The following GATAD2A variants were observed in gnomAD, a reference collection of about 807,000 sequenced individuals.
GATAD2A encodes GATA zinc finger domain containing 2A, also known as transcriptional repressor p66-alpha.
In GATAD2A, 12 loss-of-function variants were observed where a neutral mutation model predicts 68.5. The observed-to-expected ratio is 0.18, with a 90% CI of 0.11 to 0.28. GATAD2A has a LOEUF of 0.28. Among genes scored for constraint, GATAD2A ranks in the 10% least tolerant of loss-of-function variants. The pLI is 1.00. For synonymous variants in GATAD2A, 410 were observed against 375.3 expected (o/e 1.09, Z -1.07); for missense variants, 755 against 868.5 (o/e 0.87, Z 1.64).
At chr19:19,465,091 G>C in intron 1 of GATAD2A, 1 of 574,564 alleles carries the variant, frequency 1.7e-6, no homozygotes, top group Non-Finnish European at 3.1e-6. Context: ...ACAGGGCAGG[G>C]TGTAGTTTGG....
intron 1 of GATAD2A, among the ~76,000 whole-genome samples, chr19:19,399,376 G>A (rs930024295): frequency 1.5e-4 from 23 of 152,002 alleles, no homozygotes; most frequent in Middle Eastern, 6.8e-3. Context: ...TTTTTTGTAG[G>A]GACGGGGTTT....
intron 1 of GATAD2A, among the ~76,000 whole-genome samples, chr19:19,387,029 A>G (rs781752919): frequency 6.6e-6 from 1 of 151,726 alleles, no homozygotes; most frequent in Non-Finnish European, 1.5e-5. Flanking sequence ...GGGAATCCCC[A>G]TCTCTCTGAG....
At chr19:19,495,296 C>CT (rs991177940) in intron 5 of GATAD2A, among the ~76,000 whole-genome samples, 3 of 148,760 alleles carry the variant, frequency 2.0e-5, no homozygotes, top group Non-Finnish European at 3.0e-5. Flanking sequence ...ACCCAGCCAG[C>CT]TTTTTTTTCT....
At chr19:19,482,831 G>A (rs2059150199) in intron 2 of GATAD2A, among the ~76,000 whole-genome samples, 1 of 152,188 alleles carries the variant, frequency 6.6e-6, no homozygotes, top group African/African-American at 2.4e-5. Context: ...TGGATTTGAT[G>A]TGGCCTCCCC....
At chr19:19,413,240 G>C (rs1450070234) in intron 1 of GATAD2A, among the ~76,000 whole-genome samples, 6 of 152,104 alleles carry the variant, frequency 3.9e-5, no homozygotes, top group Non-Finnish European at 7.3e-5. Flanking sequence ...GAAAACTGCT[G>C]CTACCACCTT....
At chr19:19,499,718 G>A (rs959345064) in intron 8 of GATAD2A, among the ~76,000 whole-genome samples, 1 of 151,944 alleles carries the variant, frequency 6.6e-6, no homozygotes, top group Non-Finnish European at 1.5e-5. Context: ...CGTGGGGCTG[G>A]GCCTGGCGCA....
At position 19,505,742 on chromosome 19, in the gene GATAD2A, A is replaced by C. The variant is rs951391625; in HGVS notation, c.*268A>C. 2.2e-6 allele frequency: 1 copy of C among 464,532 alleles called. No homozygotes were observed. Among genetic ancestry groups the C allele is most frequent in the African/African-American group, 2.0e-5 (1 of 48,866 alleles). The allele number at this position is 464,532 out of a possible 1,614,324, so 28.8% of individuals were successfully genotyped here. ...TTTCTTCCTTTCTCTCTTTGCCTTT[A>C]GTTTGCCCGACACCAGCAGAAAAGT... On this transcript the variant is annotated 3_prime_UTR_variant, in exon 12 of 12. Coordinates refer to ENST00000683918, the MANE Select transcript of GATAD2A (RefSeq NM_001384528.1).
At chr19:19,490,254 C>T (rs1010812245) in intron 2 of GATAD2A, among the ~76,000 whole-genome samples, 2 of 152,090 alleles carry the variant, frequency 1.3e-5, no homozygotes, top group Non-Finnish European at 2.9e-5. Context: ...TTAGGAGGGA[C>T]CAGAGGAGAG....
chr19:19,463,560 G>A (rs2057634219), intron 1 of GATAD2A, among the ~76,000 whole-genome samples: 1 of 152,200 alleles, frequency 6.6e-6, no homozygotes, highest in Non-Finnish European at 1.5e-5. Flanking sequence ...CGCACAGTTG[G>A]TGTGGGATAG....
At chr19:19,402,432 T>TA (rs2049838452), upstream of GATAD2A, 1 of 147,628 alleles carries the variant, frequency 6.8e-6, no homozygotes, top group African/African-American at 2.5e-5. Context: ...CTCACGCCTG[T>TA]AATCCCAGCA....
At position 19,506,135 on chromosome 19, in the gene GATAD2A, GTGAC is replaced by G. The variant is rs2060856846; in HGVS notation, c.*670_*673del. On this transcript the variant is annotated 3_prime_UTR_variant, in exon 12 of 12. Coordinates refer to ENST00000683918, the MANE Select transcript of GATAD2A (RefSeq NM_001384528.1). The stretch of plus-strand genomic sequence containing the variant: ...TGGCAGGGACGGCCGGCCCGCCCCC[GTGAC>G]TGACTGACAGATGCAGGGATGGCCG... The G allele has an allele frequency of 1.3e-5, 5 of 398,858 alleles. No homozygotes were observed. Among genetic ancestry groups the G allele is most frequent in the Non-Finnish European group, 1.3e-5 (3 of 226,066 alleles). 24.7% of individuals were successfully genotyped at this position (398,858 alleles called of 1,614,324 possible). A position where few individuals can be genotyped will look rare whatever the true frequency, so the allele number is the denominator to read the frequency against.
At chr19:19,452,063 CTG>C (rs931934238) in intron 1 of GATAD2A, among the ~76,000 whole-genome samples, 5 of 152,202 alleles carry the variant, frequency 3.3e-5, no homozygotes, top group Admixed American at 6.5e-5. Flanking sequence ...GGGATGAAAA[CTG>C]TGCATGCGTA....
chr19:19,448,381 G>A (rs929616500), intron 1 of GATAD2A, among the ~76,000 whole-genome samples: 1 of 152,248 alleles, frequency 6.6e-6, no homozygotes, highest in Non-Finnish European at 1.5e-5. Flanking sequence ...CTTCAAGCAC[G>A]GCCTCAAATG....
intron 1 of GATAD2A, among the ~76,000 whole-genome samples, chr19:19,447,725 A>G (rs1332949085): frequency 1.3e-5 from 2 of 152,198 alleles, no homozygotes; most frequent in Non-Finnish European, 1.5e-5. Context: ...ATGCTGCAGG[A>G]TGCTTGTAGG....
intron 8 of GATAD2A, among the ~76,000 whole-genome samples, chr19:19,499,088 A>C (rs2060345317): frequency 6.6e-6 from 1 of 152,234 alleles, no homozygotes; most frequent in Admixed American, 6.5e-5. Context: ...AGAACCTTCC[A>C]GAGCCTCAAG....
intron 1 of GATAD2A, among the ~76,000 whole-genome samples, chr19:19,392,209 T>C (rs1599960281): frequency 1.3e-5 from 2 of 149,324 alleles, no homozygotes; most frequent in Admixed American, 1.3e-4. Context: ...CCTCAGCCTC[T>C]TGAGTAGCTG....
chr19:19,473,030 C>A (rs1163244043), intron 2 of GATAD2A, among the ~76,000 whole-genome samples: 2 of 152,200 alleles, frequency 1.3e-5, no homozygotes, highest in African/African-American at 4.8e-5. Flanking sequence ...TCTCCATTTC[C>A]TTACTTCACC....
In GATAD2A at chr19:19,505,491, TG is replaced by T. The variant is rs1178686092; in HGVS notation, c.*19del. ...TGGAAATAGTGCGAGCCAGGCCCCGTGGAAGACGGGCTCCCTCCTCCCCCAC... is the reference window on the plus strand; with the variant it reads ...TGGAAATAGTGCGAGCCAGGCCCCGTGAAGACGGGCTCCCTCCTCCCCCAC... On this transcript the variant is annotated 3_prime_UTR_variant, in exon 12 of 12. Coordinates refer to ENST00000683918, the MANE Select transcript of GATAD2A (RefSeq NM_001384528.1). 1 of 1,559,048 alleles carries T rather than the reference TG, an allele frequency of 6.4e-7. No homozygotes were observed. Among genetic ancestry groups the T allele is most frequent in the African/African-American group, 1.4e-5 (1 of 72,196 alleles).
chr19:19,454,829 C>A (rs1233384309), intron 1 of GATAD2A, among the ~76,000 whole-genome samples: 1 of 150,962 alleles, frequency 6.6e-6, no homozygotes, highest in Non-Finnish European at 1.5e-5. Context: ...TGTTCCAACA[C>A]AATTGATGTG....
Sources: gnomAD v4.1 joint callset for allele counts (sites outside exome capture counted in the v4.1 genomes callset) on GRCh38, gnomAD v4.1.1 for gene constraint, MANE v1.5 for transcripts, NCBI Gene and HGNC (gene_info 2026-07-23, HGNC 2026-07-21) for gene names.